Variants in TUBG2 observed in about 807,000 individuals in gnomAD.
TUBG2 encodes tubulin gamma 2, also known as tubulin gamma-2 chain.
Under a neutral mutation model 55.1 loss-of-function variants are expected in TUBG2, and 39 were observed. The observed-to-expected ratio is 0.71, with a 90% CI of 0.55 to 0.93. The LOEUF is 0.93. Ranked by LOEUF, TUBG2 falls within the 40% of genes least tolerant of loss-of-function variation. The pLI is 0.00. For missense variants in TUBG2, 358 were observed against 599.1 expected, an observed-to-expected ratio of 0.60 and a Z score of 4.20; for synonymous variants, 223 against 241.0, an observed-to-expected ratio of 0.93 and a Z score of 0.69.
chr17:42,666,084 C>G lies in TUBG2; in HGVS notation c.844-3C>G, dbSNP rs2052532376. 6.2e-7 allele frequency: 1 copy of G among 1,613,968 alleles called. No homozygotes were observed. Among genetic ancestry groups the G allele is most frequent in the Non-Finnish European group, 8.5e-7 (1 of 1,179,862 alleles). On this transcript the variant is annotated splice_region_variant and splice_polypyrimidine_tract_variant and intron_variant, in intron 8 of 10. Coordinates refer to ENST00000251412, the MANE Select transcript of TUBG2 (RefSeq NM_016437.3). ...CCGGGTCCCTGTCTCACTGTCCCAT[C>G]AGGTGGCCAGCGTGAGGAAGACCAC... is the stretch of plus-strand genomic sequence containing the variant.
intron 6 of TUBG2, among the ~76,000 whole-genome samples, chr17:42,663,913 A>G (rs1388931586): frequency 6.7e-6 from 1 of 149,862 alleles, no homozygotes; most frequent in Admixed American, 6.7e-5. Context: ...ATTGCACTCC[A>G]GCCTGGGTGA....
chr17:42,664,734 GCA>G (rs2052475610), intron 6 of TUBG2, among the ~76,000 whole-genome samples: 1 of 151,786 alleles, frequency 6.6e-6, no homozygotes, highest in Non-Finnish European at 1.5e-5. Context: ...CCAGAGCCAG[GCA>G]CAGTGTATGG....
chr17:42,660,865 A>C, intron 4 of TUBG2, 158 bp downstream of exon 4: 1 of 629,400 alleles, frequency 1.6e-6, no homozygotes, highest in Non-Finnish European at 2.9e-6. Context: ...ATAAGATATA[A>C]TCTTTGTTCT....
chr17:42,661,832 A>G (rs953151172), intron 4 of TUBG2, among the ~76,000 whole-genome samples: 1 of 152,166 alleles, frequency 6.6e-6, no homozygotes, highest in African/African-American at 2.4e-5. Context: ...AGTCCTGAGA[A>G]CCTCGATTTA....
intron 6 of TUBG2, among the ~76,000 whole-genome samples, chr17:42,663,997 C>T (rs2052455454): frequency 6.7e-6 from 1 of 148,324 alleles, no homozygotes; most frequent in Non-Finnish European, 1.5e-5. Context: ...GTCCCAGCTA[C>T]TTGGAGGCTG....
chr17:42,664,758 A>G (rs537972882), intron 6 of TUBG2, among the ~76,000 whole-genome samples: 1 of 151,366 alleles, frequency 6.6e-6, no homozygotes, highest in Admixed American at 6.6e-5. Flanking sequence ...ACATGTGGGT[A>G]CTCACGTGTT....
Position 42,666,759 on chromosome 17 carries a change from A to C in TUBG2, c.1315A>C (p.Thr439Pro), listed in dbSNP as rs2052558959. The C allele has an allele frequency of 1.2e-6, 2 of 1,614,078 alleles. No homozygotes were observed. The highest frequency in any genetic ancestry group is 1.7e-6 in the Non-Finnish European group (2 of 1,179,986). ...QELIDEYHAA[T>P]QPDYISWGTQ... ...GCTCATTGATGAGTACCATGCGGCC[A>C]CCCAGCCAGACTACATTTCCTGGGG... Residue 439 changes from threonine (T) to proline (P), a missense_variant, in exon 11 of 11, where the codon ACC (threonine) becomes CCC (proline). Coordinates refer to ENST00000251412, the MANE Select transcript of TUBG2 (RefSeq NM_016437.3).
Position 42,666,854 on chromosome 17 carries a change from TGC to T in TUBG2, c.*55_*56del. 6.3e-7 allele frequency: 1 copy of T among 1,596,190 alleles called. No homozygotes were observed. The highest frequency in any genetic ancestry group is 8.6e-7 in the Non-Finnish European group (1 of 1,166,226). On this transcript the variant is annotated 3_prime_UTR_variant, in exon 11 of 11. Coordinates refer to ENST00000251412, the MANE Select transcript of TUBG2 (RefSeq NM_016437.3). ...TAGATGGTAACCACAGCCTCGACCA[TGC>T]CTGCTCCCTCTGACCCAGCTTCACC... is the stretch of plus-strand genomic sequence containing the variant.
intron 8 of TUBG2, 25 bp from the exon 9 acceptor site, chr17:42,666,062 G>T (rs776831312): frequency 1.9e-6 from 3 of 1,613,844 alleles, no homozygotes; most frequent in East Asian, 2.2e-5. Context: ...GCGCTGGCCG[G>T]GTCCCTGTCT....
Position 42,659,389 on chromosome 17 carries a change from G to T in TUBG2, c.-115G>T. On this transcript the variant is annotated 5_prime_UTR_variant, in exon 1 of 11. Coordinates refer to ENST00000251412, the MANE Select transcript of TUBG2 (RefSeq NM_016437.3). ...GCACACGCGCAGACCGAGCATCCGC[G>T]TCAAGAGGCGAAGAGAGCGCGCGCT... 1 of 1,136,372 alleles carries T rather than the reference G, an allele frequency of 8.8e-7. No individual in the cohort carries two copies. Among genetic ancestry groups the T allele is most frequent in the South Asian group, 1.6e-5 (1 of 63,560 alleles). 70.4% of individuals were successfully genotyped at this position (1,136,372 alleles called of 1,614,324 possible). A position where few individuals can be genotyped will look rare whatever the true frequency, so the allele number is the denominator to read the frequency against.
At position 42,664,692 on chromosome 17, in the gene TUBG2, A is replaced by C. The variant is rs566023947; in HGVS notation, c.607-784A>C. 3.3e-5 allele frequency among the ~76,000 whole-genome samples: 5 copies of C among 151,846 alleles called. No homozygotes were observed. In the East Asian group the frequency reaches 9.7e-4, roughly 29 times the overall value. Reference sequence around the variant, plus strand: ...ACGAGACTATAGGCCTAATGAAGGGAAAGACGGTGCCTGTTCCTCTCTGTG... The same window carrying C: ...ACGAGACTATAGGCCTAATGAAGGGCAAGACGGTGCCTGTTCCTCTCTGTG... On this transcript the variant is annotated intron_variant, in intron 6 of 10. Coordinates refer to ENST00000251412, the MANE Select transcript of TUBG2 (RefSeq NM_016437.3).
Position 42,659,304 on chromosome 17 carries a change from G to T in TUBG2, c.-200G>T. ...GCGGAATTCCAGCTGCGACTGCTGA[G>T]GGAGAAAATGATGCCCAGGTTGGGC... On this transcript the variant is annotated 5_prime_UTR_variant, in exon 1 of 11. In the 5' UTR this introduces an upstream ATG that the reference lacks. Transcript: ENST00000251412. 1 of 539,266 alleles carries T rather than the reference G, an allele frequency of 1.9e-6. No individual in the cohort carries two copies. The highest frequency in any genetic ancestry group is 3.2e-6 in the Non-Finnish European group (1 of 310,990). 33.4% of individuals were successfully genotyped at this position (539,266 alleles called of 1,614,324 possible).
At chr17:42,664,751 T>G (rs879271483) in intron 6 of TUBG2, among the ~76,000 whole-genome samples, 1 of 151,840 alleles carries the variant, frequency 6.6e-6, no homozygotes, top group Admixed American at 6.6e-5. Context: ...GTATGGCACA[T>G]GTGGGTACTC....
At chr17:42,660,920 G>C in intron 4 of TUBG2, 1 of 502,776 alleles carries the variant, frequency 2.0e-6, no homozygotes, top group South Asian at 2.4e-5. Flanking sequence ...TTAGGCATGA[G>C]TCATTCAGCT....
At position 42,666,669 on chromosome 17, in the gene TUBG2, C is replaced by T; in HGVS notation, c.1225C>T (p.Arg409Cys). 1 of 1,614,158 alleles carries T rather than the reference C, an allele frequency of 6.2e-7. No homozygotes were observed. The highest frequency in any genetic ancestry group is 2.2e-5 in the East Asian group (1 of 44,886). Residue 409 changes from arginine to cysteine, a missense_variant, in exon 11 of 11, where the codon CGT (arginine) becomes TGT (cysteine). By Grantham distance (180) the Arg-to-Cys change is radical. This residue lies in a region of TUBG2 where 129 missense variants were observed against 251.6 expected (regional missense o/e 0.51). Transcript: ENST00000251412. ...RKRDAFLEQF[R>C]KEDMFKDNFD... ...GCGGGATGCCTTCCTCGAGCAGTTCCGTAAGGAGGACATGTTCAAGGACAA... is the reference window on the plus strand; with the variant it reads ...GCGGGATGCCTTCCTCGAGCAGTTCTGTAAGGAGGACATGTTCAAGGACAA...
rs752903378 is a variant in TUBG2 at position 42,665,683 on chromosome 17, C to G, written c.699C>G (p.Ser233=). The G allele has an allele frequency of 6.2e-7, 1 of 1,614,146 alleles. No homozygotes were observed. Among genetic ancestry groups the G allele is most frequent in the East Asian group, 2.2e-5 (1 of 44,864 alleles). ...CATGGCACGCCTGTCCCCAGGTGTCCACCATCATGTCGGCCAGCACCACCA... is the reference window on the plus strand; with the variant it reads ...CATGGCACGCCTGTCCCCAGGTGTCGACCATCATGTCGGCCAGCACCACCA... ...PSFSQINQLV[S]TIMSASTTTL... The change falls in exon 8 of 11, where the codon TCC becomes TCG. Residue 233 remains serine, a synonymous_variant. Transcript: ENST00000251412.
rs1597769593 is a variant in TUBG2 at position 42,660,765 on chromosome 17, G to T, written c.399+58G>T. ...GGGAGGCCGAAGAGTGCTGGGGACA[G>T]GTCAGGAGGTGGCCTGGATAGGTAA... On this transcript the variant is annotated intron_variant, in intron 4 of 10. Transcript: ENST00000251412. 6 of 1,514,738 alleles carry T rather than the reference G, an allele frequency of 4.0e-6. No individual in the cohort carries two copies. The South Asian group carries it at 6.8e-5, about 17-fold the overall frequency. 93.8% of individuals were successfully genotyped at this position (1,514,738 alleles called of 1,614,324 possible).
chr17:42,662,899 C>A, intron 4 of TUBG2, 74 bp from the exon 5 acceptor site: 1 of 1,440,240 alleles, frequency 6.9e-7, no homozygotes, highest in Non-Finnish European at 9.7e-7. Context: ...AAGACCCCAC[C>A]CATCTGGTAT....
intron 6 of TUBG2, among the ~76,000 whole-genome samples, chr17:42,664,292 A>T (rs1398005159): frequency 8.3e-6 from 1 of 120,336 alleles, no homozygotes; most frequent in African/African-American, 3.1e-5. Context: ...AAAAAAAAAA[A>T]GGGTAGAGGA....
Sources: allele counts gnomAD v4.1 joint callset (sites outside exome capture counted in the v4.1 genomes callset), GRCh38; gene constraint gnomAD v4.1.1; regional missense constraint gnomAD v4.1.1; transcripts MANE v1.5; gene names NCBI Gene and HGNC (gene_info 2026-07-23, HGNC 2026-07-21).